The following FGFR2 variants were observed in gnomAD, a reference collection of about 807,000 sequenced individuals.
The protein encoded by FGFR2 is BEK fibroblast growth factor receptor.
FGFR2 carries 19 observed loss-of-function variants against 95.9 expected under a neutral mutation model. That is an observed-to-expected ratio of 0.20 (90% CI 0.14 to 0.29). The LOEUF is 0.29. Ranked by LOEUF, FGFR2 falls within the 10% of genes least tolerant of loss-of-function variation. The pLI is 1.00. For synonymous variants in FGFR2, 392 were observed against 393.3 expected, an observed-to-expected ratio of 1.00 and a Z score of 0.04; for missense variants, 707 against 1,056.9, an observed-to-expected ratio of 0.67 and a Z score of 4.59.
chr10:121,512,473 C>T (rs960589114), intron 9 of FGFR2, among the ~76,000 whole-genome samples: 1 of 152,206 alleles, frequency 6.6e-6, no homozygotes, highest in South Asian at 2.1e-4. Context: ...TGCCCCCTTT[C>T]CTCTGCTTCT....
chr10:121,570,416 AC>A (rs1187580415), intron 2 of FGFR2, among the ~76,000 whole-genome samples: 3 of 151,862 alleles, frequency 2.0e-5, no homozygotes, highest in Admixed American at 6.6e-5. Flanking sequence ...AACTCTGGTC[AC>A]CCCCCATGGA....
chr10:121,519,550 AAAC>A (rs1180688306), intron 7 of FGFR2, among the ~76,000 whole-genome samples: 5 of 152,218 alleles, frequency 3.3e-5, no homozygotes, highest in Non-Finnish European at 7.3e-5. Flanking sequence ...TATTAATAGA[AAAC>A]AACATCAGAG....
rs903883284 is a variant in FGFR2, at chr10:121,485,593, C to A, written c.2058-61G>T. 6.2e-7 allele frequency: 1 copy of A among 1,611,732 alleles called. No individual in the cohort carries two copies. Among genetic ancestry groups the A allele is most frequent in the South Asian group, 1.1e-5 (1 of 90,854 alleles). On this transcript the variant is annotated intron_variant, in intron 15 of 17. Coordinates refer to ENST00000358487, the MANE Select transcript of FGFR2 (RefSeq NM_000141.5). The surrounding 1 kb of genome is among the most constrained non-coding windows in gnomAD (Gnocchi z 4.2). The stretch of plus-strand genomic sequence containing the variant: ...CATCCACGTTGCCAAAACCTAAACA[C>A]GCCCAGCTGAGACATAAACACCTCC...
At chr10:121,514,176 G>C (rs80079518) in intron 9 of FGFR2, among the ~76,000 whole-genome samples, 2,298 of 152,278 alleles carry the variant, frequency 0.015, 63 homozygotes, top group African/African-American at 0.052. Flanking sequence ...CACTGAAATA[G>C]AGCCAATGAG....
At chr10:121,568,222 C>A (rs1857997319) in intron 2 of FGFR2, among the ~76,000 whole-genome samples, 1 of 152,158 alleles carries the variant, frequency 6.6e-6, no homozygotes, top group Non-Finnish European at 1.5e-5. Context: ...AACATGAGAG[C>A]TGAAGGGGCC....
chr10:121,558,475 C>G (rs920172183), intron 4 of FGFR2, among the ~76,000 whole-genome samples: 1 of 152,206 alleles, frequency 6.6e-6, no homozygotes, highest in African/African-American at 2.4e-5. Flanking sequence ...ATCAGCTAGT[C>G]AGCTGCTAAA....
At position 121,544,911 on chromosome 10, in the gene FGFR2, G is replaced by A. The variant is rs371803272; in HGVS notation, c.625-6196C>T. ...TAATTCCAATACTTTGGGAGGTTGA[G>A]GTGGGAGGATCACTTGAGCTTACGT... On this transcript the variant is annotated intron_variant, in intron 5 of 17. Transcript: ENST00000358487. Among the ~76,000 whole-genome samples the A allele has an allele frequency of 9.2e-5, 14 of 152,316 alleles. No homozygotes were observed. In the East Asian group the frequency reaches 1.9e-3, roughly 21 times the overall value.
chr10:121,545,977 G>A (rs1479092233), intron 5 of FGFR2, among the ~76,000 whole-genome samples: 1 of 152,110 alleles, frequency 6.6e-6, no homozygotes, highest in Non-Finnish European at 1.5e-5. Flanking sequence ...CCTCTGTCCT[G>A]CGATCTCTCT....
At chr10:121,558,747 G>A (rs1274511938) in intron 4 of FGFR2, among the ~76,000 whole-genome samples, 1 of 151,678 alleles carries the variant, frequency 6.6e-6, no homozygotes, top group Non-Finnish European at 1.5e-5. Context: ...CCGCCACCAA[G>A]CCCGGCTAAT....
chr10:121,521,000 C>G (rs1270880425), intron 6 of FGFR2, among the ~76,000 whole-genome samples: 2 of 152,198 alleles, frequency 1.3e-5, no homozygotes, highest in African/African-American at 4.8e-5. Context: ...AAAAATTAAA[C>G]TAAAGCCTAA....
intron 13 of FGFR2, among the ~76,000 whole-genome samples, chr10:121,490,408 C>T (rs1845983691): frequency 6.6e-6 from 1 of 152,134 alleles, no homozygotes; most frequent in South Asian, 2.1e-4. Context: ...AAGTGATCCA[C>T]CCGCCTCGGC....
intron 2 of FGFR2, among the ~76,000 whole-genome samples, chr10:121,570,214 G>A (rs1384334356): frequency 3.9e-5 from 6 of 152,342 alleles, no homozygotes; most frequent in East Asian, 3.9e-4. Context: ...TCCATTTGCC[G>A]TCCACAGGGC....
chr10:121,511,653 G>A (rs946281271), intron 9 of FGFR2, among the ~76,000 whole-genome samples: 1 of 152,148 alleles, frequency 6.6e-6, no homozygotes, highest in Non-Finnish European at 1.5e-5. Flanking sequence ...GGTGAGCAGT[G>A]TCTGGCACGG....
At chr10:121,573,982 ATGGCAAGTAAG>A (rs1236287226) in intron 2 of FGFR2, among the ~76,000 whole-genome samples, 4 of 152,148 alleles carry the variant, frequency 2.6e-5, no homozygotes, top group Non-Finnish European at 5.9e-5. Context: ...CACAAAGCAC[ATGGCAAGTAAG>A]TGGCCGCCAC....
intron 2 of FGFR2, among the ~76,000 whole-genome samples, chr10:121,576,398 C>T (rs1859763645): frequency 6.6e-6 from 1 of 152,190 alleles, no homozygotes; most frequent in Admixed American, 6.5e-5. Context: ...TCTGAAAATA[C>T]ACTTGCTGGA....
intron 2 of FGFR2, among the ~76,000 whole-genome samples, chr10:121,573,619 G>C (rs1859209065): frequency 6.6e-6 from 1 of 151,880 alleles, no homozygotes; most frequent in Admixed American, 6.6e-5. Context: ...GAGGGAGGGA[G>C]AGGAAAGAAG....
At chr10:121,487,885 G>T (rs2133830889) in intron 14 of FGFR2, 106 bp downstream of exon 14, 3 of 1,404,702 alleles carry the variant, frequency 2.1e-6, no homozygotes, top group East Asian at 2.3e-5. Context: ...CAGGGGAATG[G>T]GTCCCCAGCC....
intron 1 of FGFR2, among the ~76,000 whole-genome samples, chr10:121,597,716 C>T (rs943596472): frequency 6.6e-5 from 10 of 152,230 alleles, no homozygotes; most frequent in African/African-American, 2.4e-4. Context: ...GGCGTCAACG[C>T]CAGAAGCAGA....
At chr10:121,487,646 C>T (rs1845593614) in intron 14 of FGFR2, among the ~76,000 whole-genome samples, 1 of 152,200 alleles carries the variant, frequency 6.6e-6, no homozygotes, top group South Asian at 2.1e-4. Flanking sequence ...TCCTTTATCT[C>T]CCTAGCACAC....
Sources: allele counts gnomAD v4.1 joint callset (sites outside exome capture counted in the v4.1 genomes callset), GRCh38; gene constraint gnomAD v4.1.1; non-coding constraint Gnocchi (gnomAD v3.1); transcripts MANE v1.5; gene names NCBI Gene and HGNC (gene_info 2026-07-23, HGNC 2026-07-21).